PLOD2: variants seen among roughly 807,000 people sequenced by gnomAD.
The protein encoded by PLOD2 is lysine hydroxylase 2.
A neutral mutation model predicts 101.0 loss-of-function variants in PLOD2; 65 were observed. That is an observed-to-expected ratio of 0.64 (90% confidence interval 0.53 to 0.79). The LOEUF (loss-of-function observed/expected upper bound fraction) is 0.79, where lower values mean the gene tolerates loss of function less well. Ranked by LOEUF, PLOD2 falls within the 30% of genes least tolerant of loss-of-function variation. PLOD2 has a pLI of 0.00. For synonymous variants in PLOD2, 314 were observed against 302.9 expected, an observed-to-expected ratio of 1.04 and a Z score of -0.38; for missense variants, 909 against 914.6, an observed-to-expected ratio of 0.99 and a Z score of 0.08.
At chr3:146,155,913 G>A (rs562339634) in intron 1 of PLOD2, among the ~76,000 whole-genome samples, 7 of 152,142 alleles carry the variant, frequency 4.6e-5, no homozygotes, top group South Asian at 2.1e-4. Flanking sequence ...ATTGATAAAC[G>A]TGCTAATTAT....
intron 15 of PLOD2, among the ~76,000 whole-genome samples, chr3:146,074,497 G>A (rs1936262344): frequency 6.6e-6 from 1 of 151,236 alleles, no homozygotes; most frequent in Non-Finnish European, 1.5e-5. Context: ...TTATGTGGAG[G>A]AAACAAAGGT....
intron 1 of PLOD2, among the ~76,000 whole-genome samples, chr3:146,159,738 A>G (rs938448605): frequency 2.6e-5 from 4 of 152,358 alleles, no homozygotes; most frequent in African/African-American, 9.6e-5. Flanking sequence ...ACCTAACAGA[A>G]AGAAAAGCAT....
At chr3:146,148,338 G>GCACACACACA (rs71158220) in intron 1 of PLOD2, among the ~76,000 whole-genome samples, 6,549 of 146,438 alleles carry the variant, frequency 0.045, 182 homozygotes, top group African/African-American at 0.061. Context: ...AGGCAGGCAC[G>GCACACACACA]CACACACACA....
intron 7 of PLOD2, among the ~76,000 whole-genome samples, chr3:146,102,083 C>T (rs1220387482): frequency 6.6e-6 from 1 of 152,150 alleles, no homozygotes; most frequent in Non-Finnish European, 1.5e-5. Context: ...ATCTGTTAAT[C>T]CCTTTTCTAG....
At chr3:146,092,977 T>G (rs552000695) in intron 7 of PLOD2, among the ~76,000 whole-genome samples, 130 of 152,254 alleles carry the variant, frequency 8.5e-4, no homozygotes, top group African/African-American at 3.0e-3. Context: ...TATCATTATA[T>G]GATCAATAAT....
chr3:146,076,861 A>G lies in PLOD2; in HGVS notation c.1598T>C (p.Phe533Ser). ...VFMYISNRHE[F>S]GRLLSTANYN... ...ATTAGCAGTGGATAATAGCCTTCCA[A>G]ATTCATGTCTATTAGAAATGTACAT... The change falls in exon 15 of 20, where the codon TTT becomes TCT. Residue 533 changes from phenylalanine (F) to serine (S), a missense_variant. Transcript: ENST00000282903. The G allele has an allele frequency of 6.3e-7, 1 of 1,578,670 alleles. No homozygotes were observed. Among genetic ancestry groups the G allele is most frequent in the Non-Finnish European group, 8.7e-7 (1 of 1,149,176 alleles).
chr3:146,148,976 C>T (rs2031928006), intron 1 of PLOD2, among the ~76,000 whole-genome samples: 1 of 152,208 alleles, frequency 6.6e-6, no homozygotes, highest in African/African-American at 2.4e-5. Context: ...GCATAATCCA[C>T]AGAAATAAAT....
At position 146,103,254 on chromosome 3, in the gene PLOD2, T is replaced by G. The variant is rs868548515; in HGVS notation, c.680-402A>C. 2.6e-5 allele frequency among the ~76,000 whole-genome samples: 4 copies of G among 152,192 alleles called. No individual in the cohort carries two copies. The South Asian group carries it at 8.3e-4, about 32-fold the overall frequency. ...CCACGTCTGTCTTTTAGGGTTATTATGAAGATAATAACAATATATGCATGG... is the reference window on the plus strand; with the variant it reads ...CCACGTCTGTCTTTTAGGGTTATTAGGAAGATAATAACAATATATGCATGG... On this transcript the variant is annotated intron_variant, in intron 6 of 19. Transcript: ENST00000282903.
chr3:146,130,031 G>A (rs1166400598), intron 1 of PLOD2, among the ~76,000 whole-genome samples: 1 of 152,100 alleles, frequency 6.6e-6, no homozygotes, highest in Non-Finnish European at 1.5e-5. Context: ...GGATAGTAGA[G>A]AAACTCCATT....
chr3:146,160,835 C>G (rs1339182311), intron 1 of PLOD2, 46 bp downstream of exon 1: 2 of 1,268,084 alleles, frequency 1.6e-6, no homozygotes, highest in Non-Finnish European at 2.2e-6. Context: ...ACTGCCCCCC[C>G]GCCGGCCGAG....
intron 3 of PLOD2, among the ~76,000 whole-genome samples, chr3:146,118,945 T>C (rs1173978845): frequency 6.6e-6 from 1 of 152,198 alleles, no homozygotes; most frequent in Non-Finnish European, 1.5e-5. Flanking sequence ...TCTTGCCATG[T>C]TGTCTCATTA....
At chr3:146,111,473 T>C (rs1937631792) in intron 3 of PLOD2, among the ~76,000 whole-genome samples, 1 of 152,120 alleles carries the variant, frequency 6.6e-6, no homozygotes, top group Admixed American at 6.6e-5. Flanking sequence ...GTAGTATCTA[T>C]ATCCTCAAGT....
rs1003919402 is a variant in PLOD2 at position 146,161,028 on chromosome 3, G to C, written c.-39C>G. 2 of 1,354,996 alleles carry C rather than the reference G, an allele frequency of 1.5e-6. No homozygotes were observed. The highest frequency in any genetic ancestry group is 1.2e-5 in the South Asian group (1 of 80,194). The allele number at this position is 1,354,996 out of a possible 1,614,324, so 83.9% of individuals were successfully genotyped here. ...GGGCCGCGCGGGCTCAGGCGCCCAC[G>C]GCCCCGCAGCGCCGCGCTTCTCGCG... On this transcript the variant is annotated 5_prime_UTR_variant, in exon 1 of 20. Coordinates refer to ENST00000282903, the MANE Select transcript of PLOD2 (RefSeq NM_182943.3).
At chr3:146,105,361 T>G (rs909272125) in intron 5 of PLOD2, among the ~76,000 whole-genome samples, 3 of 152,124 alleles carry the variant, frequency 2.0e-5, no homozygotes, top group Non-Finnish European at 4.4e-5. Context: ...CTCCAAATTC[T>G]CAAATATTTG....
intron 1 of PLOD2, among the ~76,000 whole-genome samples, chr3:146,140,494 G>T (rs2031469430): frequency 6.6e-6 from 1 of 151,998 alleles, no homozygotes; most frequent in Non-Finnish European, 1.5e-5. Context: ...CAAAGTAGAA[G>T]GAACTCAGTA....
At chr3:146,133,202 T>C (rs2031026158) in intron 1 of PLOD2, among the ~76,000 whole-genome samples, 1 of 152,038 alleles carries the variant, frequency 6.6e-6, no homozygotes, top group Non-Finnish European at 1.5e-5. Flanking sequence ...AAGGCTCCAT[T>C]TTCCTAGTAT....
At chr3:146,146,517 G>A (rs971828147) in intron 1 of PLOD2, among the ~76,000 whole-genome samples, 9 of 152,102 alleles carry the variant, frequency 5.9e-5, no homozygotes, top group South Asian at 2.1e-4. Context: ...GCGGGTGGAC[G>A]GAGAGGGAGA....
chr3:146,125,929 A>G (rs1024369528), intron 1 of PLOD2, among the ~76,000 whole-genome samples: 9 of 152,192 alleles, frequency 5.9e-5, no homozygotes, highest in African/African-American at 2.2e-4. Flanking sequence ...AAATTACTCT[A>G]TTTAAAGTTA....
chr3:146,071,254 T>G lies in PLOD2; in HGVS notation c.1995+23A>C, dbSNP rs544948839. ...GTGTAAAAATGGGTAAGAAATAGGC[T>G]GGAGGGGTGAGAGGATAACTACCTT... On this transcript the variant is annotated intron_variant, in intron 18 of 19. Coordinates refer to ENST00000282903, the MANE Select transcript of PLOD2 (RefSeq NM_182943.3). The G allele has an allele frequency of 1.1e-5, 17 of 1,611,670 alleles. No individual in the cohort carries two copies. The South Asian group carries it at 1.9e-4, about 18-fold the overall frequency.
Sources: gnomAD v4.1 joint callset for allele counts (sites outside exome capture counted in the v4.1 genomes callset) on GRCh38, gnomAD v4.1.1 for gene constraint, MANE v1.5 for transcripts, NCBI Gene and HGNC (gene_info 2026-07-23, HGNC 2026-07-21) for gene names.